KCTD17: variants seen among roughly 807,000 people sequenced by gnomAD.
KCTD17 encodes potassium channel tetramerization domain containing 17.
KCTD17 carries 20 observed loss-of-function variants against 41.5 expected under a neutral mutation model. That is an observed-to-expected ratio of 0.48 (90% CI 0.34 to 0.70). The LOEUF (loss-of-function observed/expected upper bound fraction) is 0.70. KCTD17 is among the 30% of genes least tolerant of loss of function. KCTD17 has a pLI of 0.01. For synonymous variants in KCTD17, 156 were observed against 173.8 expected (o/e 0.90, Z 0.80); for missense variants, 317 against 427.2 (o/e 0.74, Z 2.27).
At chr22:37,054,851 T>C (rs1200597206) in intron 2 of KCTD17, among the ~76,000 whole-genome samples, 1 of 152,178 alleles carries the variant, frequency 6.6e-6, no homozygotes, top group African/African-American at 2.4e-5. Context: ...TGGTCCTGTG[T>C]GGGCACCGGG....
intron 3 of KCTD17, 116 bp downstream of exon 3, chr22:37,056,527 G>A: frequency 1.2e-6 from 1 of 827,310 alleles, no homozygotes; most frequent in Non-Finnish European, 1.9e-6. Flanking sequence ...GTTTGTCATG[G>A]GGAGGCCGAG....
At position 37,053,066 on chromosome 22, in the gene KCTD17, C is replaced by G. The variant is rs1264131629; in HGVS notation, c.190-34C>G. On this transcript the variant is annotated intron_variant, in intron 1 of 8. Transcript: ENST00000403888. The surrounding 1 kb of genome is among the most constrained non-coding windows in gnomAD (Gnocchi z 4.1). ...CGGGGTTGGCTGGGGAGAAGCCTCA[C>G]TCTTCTCTCACCGAGCATCCCTCAC... is the stretch of plus-strand genomic sequence containing the variant. 4.0e-6 allele frequency: 6 copies of G among 1,495,732 alleles called. No individual in the cohort carries two copies. The highest frequency in any genetic ancestry group is 5.5e-6 in the Non-Finnish European group (6 of 1,094,076). The allele number at this position is 1,495,732 out of a possible 1,614,324, so 92.7% of individuals were successfully genotyped here. A position where few individuals can be genotyped will look rare whatever the true frequency, so the allele number is the denominator to read the frequency against.
chr22:37,061,837 T>C lies in KCTD17; in HGVS notation c.875+208T>C. The C allele has an allele frequency of 1.0e-6, 1 of 985,416 alleles. No individual in the cohort carries two copies. Among genetic ancestry groups the C allele is most frequent in the Non-Finnish European group, 1.2e-6 (1 of 829,930 alleles). 61.0% of individuals were successfully genotyped at this position (985,416 alleles called of 1,614,324 possible). A position where few individuals can be genotyped will look rare whatever the true frequency, so the allele number is the denominator to read the frequency against. On this transcript the variant is annotated intron_variant, in intron 8 of 8. Transcript: ENST00000403888. This position sits in a 1 kb window ranked among gnomAD's most constrained non-coding sequence, Gnocchi z 6.6. ...CAGCCCATCAGCACCAGAGCCAGGC[T>C]GGTGGGGAGGGAGGGACCGCTGAAG...
At chr22:37,058,467 G>A (rs754992910) in intron 4 of KCTD17, among the ~76,000 whole-genome samples, 5 of 151,938 alleles carry the variant, frequency 3.3e-5, no homozygotes, top group Non-Finnish European at 7.4e-5. Context: ...ACAGCCCTCC[G>A]TAGGACTCCC....
rs1925918933 is a variant in KCTD17, at chr22:37,062,529, T to C, written c.880T>C (p.Tyr294His). 1.9e-6 allele frequency: 3 copies of C among 1,612,840 alleles called. No individual in the cohort carries two copies. Among genetic ancestry groups the C allele is most frequent in the Non-Finnish European group, 2.5e-6 (3 of 1,179,634 alleles). Reference sequence around the variant, plus strand: ...CTTCCCCTCTTTTTTTTCTAGCTGTTACAAGCCAGAGGCACCCGGATGTGA... The same window carrying C: ...CTTCCCCTCTTTTTTTTCTAGCTGTCACAAGCCAGAGGCACCCGGATGTGA... ...ARPQSCHPCCYKPEAPGCEAP... is the reference protein window; with the variant it reads ...ARPQSCHPCCHKPEAPGCEAP... The change falls in exon 9 of 9, where the codon TAC becomes CAC. Residue 294 changes from tyrosine (Y) to histidine (H), a missense_variant. Physicochemically the swap from Tyr to His is moderately conservative, Grantham distance 83. Coordinates refer to ENST00000403888, the MANE Select transcript of KCTD17 (RefSeq NM_001282684.2).
At chr22:37,052,149 G>A (rs1924566208) in intron 1 of KCTD17, 200 bp downstream of exon 1, 1 of 731,606 alleles carries the variant, frequency 1.4e-6, no homozygotes, top group Non-Finnish European at 2.0e-6. Context: ...CCGTGGCAAC[G>A]GGACGACGCA....
chr22:37,058,477 C>T (rs1170242333), intron 4 of KCTD17, among the ~76,000 whole-genome samples: 1 of 150,960 alleles, frequency 6.6e-6, no homozygotes, highest in African/African-American at 2.5e-5. Context: ...GTAGGACTCC[C>T]TATGTTGGCA....
intron 3 of KCTD17, among the ~76,000 whole-genome samples, chr22:37,056,949 G>A (rs1159643185): frequency 6.6e-6 from 1 of 152,048 alleles, no homozygotes; most frequent in African/African-American, 2.4e-5. Context: ...GTGAGGGTTG[G>A]GGGACAGGTA....
rs1404836806 is a variant in KCTD17, at chr22:37,061,412, G to A, written c.785-127G>A. Reference sequence around the variant, plus strand: ...ACCTCCTGCCTCCCAGCCTGGGGAGGAGGGGCGCAGCTGCACCTCCTCTGT... The same window carrying A: ...ACCTCCTGCCTCCCAGCCTGGGGAGAAGGGGCGCAGCTGCACCTCCTCTGT... On this transcript the variant is annotated intron_variant, in intron 7 of 8. Transcript: ENST00000403888. The surrounding 1 kb of genome is among the most constrained non-coding windows in gnomAD (Gnocchi z 6.6). The A allele has an allele frequency of 1.6e-5, 23 of 1,475,448 alleles. No individual in the cohort carries two copies. In the Admixed American group the frequency reaches 4.0e-4, roughly 26 times the overall value. The allele number at this position is 1,475,448 out of a possible 1,614,324, so 91.4% of individuals were successfully genotyped here.
chr22:37,059,519 T>C, intron 5 of KCTD17, 81 bp downstream of exon 5: 1 of 1,484,266 alleles, frequency 6.7e-7, no homozygotes, highest in Non-Finnish European at 9.1e-7. Flanking sequence ...CCCCTGCGCC[T>C]GCACCATCCC....
intron 8 of KCTD17, chr22:37,062,298 T>G: frequency 1.0e-6 from 1 of 985,070 alleles, no homozygotes; most frequent in Non-Finnish European, 1.2e-6. Context: ...ATGGGTTAGT[T>G]GGGGAGCCCT....
Position 37,062,567 on chromosome 22 carries a change from C to T in KCTD17, c.918C>T (p.His306=). ...PEAPGCEAPD[H]LQGLGVPI ...CACCCGGATGTGAGGCCCCAGATCA[C>T]CTCCAGGGACTTGGGGTTCCCATCT... The change falls in exon 9 of 9, where the codon CAC becomes CAT. Residue 306 remains histidine (H), a synonymous_variant. Coordinates refer to ENST00000403888, the MANE Select transcript of KCTD17 (RefSeq NM_001282684.2). 1.2e-6 allele frequency: 2 copies of T among 1,613,476 alleles called. No individual in the cohort carries two copies. The highest frequency in any genetic ancestry group is 1.7e-6 in the Non-Finnish European group (2 of 1,179,742).
At chr22:37,054,813 T>C (rs916494681) in intron 2 of KCTD17, among the ~76,000 whole-genome samples, 1 of 152,174 alleles carries the variant, frequency 6.6e-6, no homozygotes, top group African/African-American at 2.4e-5. Flanking sequence ...ATCAGGCAGC[T>C]GCACTCCCTG....
intron 8 of KCTD17, chr22:37,062,037 G>T: frequency 1.0e-6 from 1 of 984,776 alleles, no homozygotes; most frequent in Non-Finnish European, 1.2e-6. Flanking sequence ...CCCTGGCCAT[G>T]TGCCCACAAG....
intron 4 of KCTD17, 36 bp from the exon 5 acceptor site, chr22:37,059,277 A>G (rs1568985612): frequency 6.2e-7 from 1 of 1,608,572 alleles, no homozygotes; most frequent in East Asian, 2.2e-5. Flanking sequence ...CCCCAACACC[A>G]ACCTGCATTT....
chr22:37,056,806 T>C (rs535866124), intron 3 of KCTD17, among the ~76,000 whole-genome samples: 117 of 152,304 alleles, frequency 7.7e-4, no homozygotes, highest in African/African-American at 2.6e-3. Flanking sequence ...TTGTGCCTTT[T>C]GTGGCATCAG....
At chr22:37,052,685 G>A (rs1337407322) in intron 1 of KCTD17, 1 of 469,084 alleles carries the variant, frequency 2.1e-6, no homozygotes, top group East Asian at 6.9e-5. Flanking sequence ...AGTGTCCAGT[G>A]AGATAGTGAC....
At chr22:37,051,997 G>A (rs1481333009) in intron 1 of KCTD17, 48 bp downstream of exon 1, 147 of 1,344,976 alleles carry the variant, frequency 1.1e-4, no homozygotes, top group Non-Finnish European at 1.4e-4. Context: ...TCCTCCGCTC[G>A]CCCGACGCGG....
At position 37,053,039 on chromosome 22, in the gene KCTD17, T is replaced by A; in HGVS notation, c.190-61T>A. On this transcript the variant is annotated intron_variant, in intron 1 of 8. Coordinates refer to ENST00000403888, the MANE Select transcript of KCTD17 (RefSeq NM_001282684.2). The surrounding 1 kb of genome is among the most constrained non-coding windows in gnomAD (Gnocchi z 4.1). The stretch of plus-strand genomic sequence containing the variant: ...CACTCTCCTTCCCTCCCTGTGCGTG[T>A]GCGGGGTTGGCTGGGGAGAAGCCTC... The A allele has an allele frequency of 1.5e-6, 2 of 1,330,164 alleles. No homozygotes were observed. The highest frequency in any genetic ancestry group is 2.1e-6 in the Non-Finnish European group (2 of 946,328). The allele number at this position is 1,330,164 out of a possible 1,614,324, so 82.4% of individuals were successfully genotyped here. A position where few individuals can be genotyped will look rare whatever the true frequency, so the allele number is the denominator to read the frequency against.
Sources: gnomAD v4.1 joint callset for allele counts (sites outside exome capture counted in the v4.1 genomes callset) on GRCh38, gnomAD v4.1.1 for gene constraint, Gnocchi (gnomAD v3.1) non-coding constraint, MANE v1.5 for transcripts, NCBI Gene and HGNC (gene_info 2026-07-23, HGNC 2026-07-21) for gene names.